APOO: variants seen among roughly 807,000 people sequenced by gnomAD.
The protein encoded by APOO is MICOS complex subunit MIC26.
Under a neutral mutation model 23.1 loss-of-function variants are expected in APOO, and 11 were observed. That is an observed-to-expected ratio of 0.48 (90% confidence interval 0.30 to 0.79). The LOEUF (loss-of-function observed/expected upper bound fraction) is 0.79. APOO is among the 30% of genes least tolerant of loss of function. The pLI, the probability that APOO is intolerant of heterozygous loss-of-function variation, is 0.07. For missense variants in APOO, 160 were observed against 142.7 expected (o/e 1.12, Z -0.62); for synonymous variants, 59 against 54.8 (o/e 1.08, Z -0.34).
At chrX:23,867,662 C>T (rs1207636269) in intron 5 of APOO, among the ~76,000 whole-genome samples, 1 of 111,424 alleles carries the variant, frequency 9.0e-6, no homozygotes, top group Non-Finnish European at 1.9e-5. Flanking sequence ...CCTGCCTCAG[C>T]CTCCCGAGTA....
At chrX:23,871,024 G>A (rs1178503787) in intron 4 of APOO, among the ~76,000 whole-genome samples, 2 of 108,618 alleles carry the variant, frequency 1.8e-5, no homozygotes, top group Non-Finnish European at 3.8e-5. Flanking sequence ...GGGAGGCAGA[G>A]GTTGCAGTGA....
intron 1 of APOO, among the ~76,000 whole-genome samples, chrX:23,891,314 C>A (rs767735954): frequency 4.5e-5 from 5 of 111,190 alleles, no homozygotes; most frequent in Non-Finnish European, 9.4e-5. Context: ...ACAATCTCCG[C>A]CTCCCGGGTT....
At chrX:23,870,595 G>A (rs1201268895) in intron 4 of APOO, among the ~76,000 whole-genome samples, 1 of 105,711 alleles carries the variant, frequency 9.5e-6, no homozygotes, top group African/African-American at 3.5e-5. Context: ...AGAACAGCCT[G>A]GGCAACATGG....
chrX:23,865,262 T>C (rs1352710755), intron 5 of APOO, among the ~76,000 whole-genome samples: 5 of 110,991 alleles, frequency 4.5e-5, no homozygotes. Flanking sequence ...ACCACAGTTG[T>C]GGCAATCCTC....
intron 7 of APOO, among the ~76,000 whole-genome samples, chrX:23,848,645 G>T (rs1924367968): frequency 9.1e-6 from 1 of 109,774 alleles, no homozygotes; most frequent in Admixed American, 9.9e-5. Context: ...CAGCTAATTT[G>T]AGAAAATGAA....
intron 7 of APOO, among the ~76,000 whole-genome samples, chrX:23,845,762 A>G (rs1360580143): frequency 9.0e-6 from 1 of 111,488 alleles, no homozygotes; most frequent in African/African-American, 3.3e-5. Context: ...CTTCCCTTTC[A>G]TTTTCCTGCT....
At position 23,882,016 on chromosome X, in the gene APOO, A is replaced by G. The variant is rs1196140937; in HGVS notation, c.10-1064T>C. On this transcript the variant is annotated intron_variant, in intron 1 of 8. Transcript: ENST00000379226. The stretch of plus-strand genomic sequence containing the variant: ...GCGAAGGCCGTGGCAGTTTTCTAGG[A>G]GGGACGTTGATCTCCTTAGGTTGTA... Among the ~76,000 whole-genome samples, 6 of 105,860 alleles carry G rather than the reference A, an allele frequency of 5.7e-5. No individual in the cohort carries two copies. The Admixed American group carries it at 6.2e-4, about 11-fold the overall frequency. 91.9% of individuals were successfully genotyped at this position (105,860 alleles called of 115,157 possible). A position where few individuals can be genotyped will look rare whatever the true frequency, so the allele number is the denominator to read the frequency against.
Position 23,907,893 on chromosome X carries a change from C to A in APOO, c.-191G>T. On this transcript the variant is annotated 5_prime_UTR_variant, in exon 1 of 9. Coordinates refer to ENST00000379226, the MANE Select transcript of APOO (RefSeq NM_024122.5). The stretch of plus-strand genomic sequence containing the variant: ...AATCACCCGGTTCTAGAAGCCGCGT[C>A]GCTGAGCCGCAGCGCGTCGCGCCCG... 2.2e-6 allele frequency: 1 copy of A among 452,248 alleles called. No homozygotes were observed. The highest frequency in any genetic ancestry group is 3.4e-6 in the Non-Finnish European group (1 of 291,927). 37.3% of individuals were successfully genotyped at this position (452,248 alleles called of 1,213,427 possible).
chrX:23,895,958 T>C (rs1437054282), intron 1 of APOO, among the ~76,000 whole-genome samples: 1 of 110,104 alleles, frequency 9.1e-6, no homozygotes, highest in Non-Finnish European at 1.9e-5. Context: ...TATTTGAATA[T>C]GTCCAGAACG....
chrX:23,896,445 A>G (rs1467523614), intron 1 of APOO, among the ~76,000 whole-genome samples: 2 of 111,910 alleles, frequency 1.8e-5, no homozygotes, highest in Admixed American at 9.6e-5. Flanking sequence ...AAGTTTGAAG[A>G]TAATTCCAAA....
intron 7 of APOO, among the ~76,000 whole-genome samples, chrX:23,841,483 G>GT (rs1386120126): frequency 1.9e-4 from 11 of 56,571 alleles, no homozygotes; most frequent in African/African-American, 6.6e-4. Flanking sequence ...AGAAAAAGAA[G>GT]TTTAAAAAAA....
At position 23,907,929 on chromosome X, in the gene APOO, G is replaced by A; in HGVS notation, c.-227C>T. ...AGCGCGTCGCGCCCGGGCAGCGGGTGAACGCAAACCCCGCCCTCCAGGAGG... is the reference window on the plus strand; with the variant it reads ...AGCGCGTCGCGCCCGGGCAGCGGGTAAACGCAAACCCCGCCCTCCAGGAGG... On this transcript the variant is annotated 5_prime_UTR_variant, in exon 1 of 9. Transcript: ENST00000379226. The A allele has an allele frequency of 2.7e-6, 1 of 369,813 alleles. No individual in the cohort carries two copies. Among genetic ancestry groups the A allele is most frequent in the Non-Finnish European group, 4.5e-6 (1 of 220,717 alleles). 30.5% of individuals were successfully genotyped at this position (369,813 alleles called of 1,213,427 possible). A position where few individuals can be genotyped will look rare whatever the true frequency, so the allele number is the denominator to read the frequency against.
chrX:23,860,498 C>T (rs996415846), intron 5 of APOO, among the ~76,000 whole-genome samples: 4 of 108,777 alleles, frequency 3.7e-5, no homozygotes, highest in African/African-American at 6.7e-5. Flanking sequence ...AGTAACATAG[C>T]GAGACTCCAT....
At chrX:23,899,084 G>A (rs754449179) in intron 1 of APOO, among the ~76,000 whole-genome samples, 84 of 112,185 alleles carry the variant, frequency 7.5e-4, no homozygotes, top group Middle Eastern at 4.6e-3. Flanking sequence ...CTCCCACAGA[G>A]GGGGCTCCTC....
At chrX:23,889,764 G>A (rs1223927714) in intron 1 of APOO, among the ~76,000 whole-genome samples, 2 of 105,069 alleles carry the variant, frequency 1.9e-5, no homozygotes, top group Non-Finnish European at 3.9e-5. Context: ...CTGGGTTCAT[G>A]CCATTCTCCT....
intron 1 of APOO, among the ~76,000 whole-genome samples, chrX:23,891,850 T>C (rs1012187450): frequency 2.3e-4 from 25 of 109,309 alleles, no homozygotes; most frequent in Middle Eastern, 4.8e-3. Flanking sequence ...TATATACTTA[T>C]AGACTTATAC....
chrX:23,879,135 T>G, intron 2 of APOO, 101 bp from the exon 3 acceptor site: 1 of 959,125 alleles, frequency 1.0e-6, no homozygotes, highest in East Asian at 3.6e-5. Flanking sequence ...TAGTAATTCA[T>G]GAATTACAGT....
rs1925989116 is a variant in APOO at position 23,879,020 on chromosome X, T to C, written c.132A>G (p.Ser44=). Residue 44 remains serine (S), a synonymous_variant, in exon 3 of 9, where the codon TCA becomes TCG. Coordinates refer to ENST00000379226, the MANE Select transcript of APOO (RefSeq NM_024122.5). ...SVKVDELSLY[S]VPEGQSKYVE... ...CATACTTCGATTGACCCTCAGGAAC[T>C]GAGTAGAGTGAAAGCTGCGCACATT... 1 of 1,210,498 alleles carries C rather than the reference T, an allele frequency of 8.3e-7. No homozygotes were observed. Among genetic ancestry groups the C allele is most frequent in the African/African-American group, 1.7e-5 (1 of 57,852 alleles).
At chrX:23,883,198 T>G (rs923950236) in intron 1 of APOO, among the ~76,000 whole-genome samples, 2 of 111,219 alleles carry the variant, frequency 1.8e-5, no homozygotes, top group African/African-American at 6.5e-5. Flanking sequence ...CCAACCTAGG[T>G]GAGGACAGGC....
Sources: allele counts gnomAD v4.1 joint callset (sites outside exome capture counted in the v4.1 genomes callset), GRCh38; gene constraint gnomAD v4.1.1; transcripts MANE v1.5; gene names NCBI Gene and HGNC (gene_info 2026-07-23, HGNC 2026-07-21).